Variants in NDUFAF7 observed in about 807,000 individuals in gnomAD.
NDUFAF7 encodes the protein protein arginine methyltransferase NDUFAF7, mitochondrial.
A neutral mutation model predicts 47.2 loss-of-function variants in NDUFAF7; 48 were observed. That is an observed-to-expected ratio of 1.02 (90% CI 0.81 to 1.29). The LOEUF is 1.29. Among genes scored for constraint, NDUFAF7 ranks in the 50% most tolerant of loss-of-function variants. The pLI is 0.00. For synonymous variants in NDUFAF7, 217 were observed against 190.0 expected (o/e 1.14, Z -1.17); for missense variants, 635 against 537.6 (o/e 1.18, Z -1.79).
downstream of NDUFAF7, chr2:37,253,364 A>C: frequency 1.3e-6 from 2 of 1,588,868 alleles, no homozygotes; most frequent in Middle Eastern, 1.7e-4. Context: ...GGAGAAAATG[A>C]AATTGTAATG....
intron 8 of NDUFAF7, among the ~76,000 whole-genome samples, 178 bp downstream of exon 8, chr2:37,246,373 A>G (rs187705045): frequency 6.9e-4 from 105 of 152,302 alleles, no homozygotes; most frequent in African/African-American, 2.4e-3. Context: ...CACTGAGTCT[A>G]CTGTCCAGCC....
chr2:37,258,307 C>T (rs770246858), downstream of NDUFAF7, among the ~76,000 whole-genome samples: 1 of 152,094 alleles, frequency 6.6e-6, no homozygotes, highest in Non-Finnish European at 1.5e-5. Flanking sequence ...GGCTGCTTCT[C>T]GATTTCAGTG....
At chr2:37,254,742 G>A (rs946259386), downstream of NDUFAF7, among the ~76,000 whole-genome samples, 1 of 152,076 alleles carries the variant, frequency 6.6e-6, no homozygotes, top group Non-Finnish European at 1.5e-5. Context: ...TCCCCACCCC[G>A]CTCCAATGCT....
downstream of NDUFAF7, chr2:37,250,633 A>G (rs1015239947): frequency 3.3e-5 from 5 of 152,338 alleles, no homozygotes; most frequent in South Asian, 2.1e-4. Flanking sequence ...AAGGTCTGGT[A>G]AAATAACACA....
At chr2:37,253,363 G>T, downstream of NDUFAF7, 1 of 1,588,330 alleles carries the variant, frequency 6.3e-7, no homozygotes, top group Non-Finnish European at 8.6e-7. Flanking sequence ...AGGAGAAAAT[G>T]AAATTGTAAT....
At chr2:37,266,421 G>A in the NDUFAF7 span, among the ~76,000 whole-genome samples, 1 of 151,712 alleles carries the variant, frequency 6.6e-6, no homozygotes, top group East Asian at 1.9e-4. Flanking sequence ...TGCCTCCCAG[G>A]TACAAGTGAT....
In NDUFAF7 at chr2:37,231,859, G is replaced by C. The variant is rs944058999; in HGVS notation, c.55+99G>C. 4.4e-6 allele frequency: 7 copies of C among 1,587,448 alleles called. No individual in the cohort carries two copies. The Admixed American group carries it at 5.4e-5, about 12-fold the overall frequency. ...GGGTACCGGGGGATCAAGGGCTCGG[G>C]GGCTCACTTCCACCTTGAAGGTACC... On this transcript the variant is annotated intron_variant, in intron 1 of 9. Transcript: ENST00000002125.
downstream of NDUFAF7, chr2:37,256,674 T>C: frequency 7.2e-7 from 1 of 1,393,358 alleles, no homozygotes; most frequent in South Asian, 1.4e-5. Context: ...TCACCAGAAA[T>C]TTCTCTCCAT....
rs770110937 is a variant in NDUFAF7, at chr2:37,243,893, G to A, written c.712G>A (p.Val238Ile). 1.2e-6 allele frequency: 2 copies of A among 1,614,042 alleles called. No individual in the cohort carries two copies. The highest frequency in any genetic ancestry group is 1.7e-5 in the Admixed American group (1 of 59,998). The change falls in exon 7 of 10, where the codon GTT (valine) becomes ATT (isoleucine). Residue 238 changes from valine (V) to isoleucine (I), a missense_variant. Val to Ile is a conservative substitution (Grantham distance 29). Coordinates refer to ENST00000002125, the MANE Select transcript of NDUFAF7 (RefSeq NM_144736.5). The stretch of plus-strand genomic sequence containing the variant: ...ACCACAGGGATGGCGAGAAGTATTT[G>A]TTGACATTGATCCACAGGTTTCTGA... ...KTPQGWREVF[V>I]DIDPQVSDKL...
chr2:37,260,457 G>A, the NDUFAF7 span: 2 of 1,345,638 alleles, frequency 1.5e-6, no homozygotes, highest in Non-Finnish European at 2.1e-6. Flanking sequence ...GATGTGCTAT[G>A]ATTGTCTGAA....
At chr2:37,260,443 T>C in the NDUFAF7 span, 1 of 1,440,658 alleles carries the variant, frequency 6.9e-7, no homozygotes, top group African/African-American at 1.4e-5. Context: ...TTTACTAATA[T>C]CTAGATGTGC....
Position 37,241,213 on chromosome 2 carries a change from A to G in NDUFAF7, c.409-365A>G, listed in dbSNP as rs1666299137. ...GAGTTCTCATCATCTCAAAGATGAGATTACTTCCTAGACCTAGAGATGTTA... is the reference window on the plus strand; with the variant it reads ...GAGTTCTCATCATCTCAAAGATGAGGTTACTTCCTAGACCTAGAGATGTTA... On this transcript the variant is annotated intron_variant, in intron 4 of 9. Transcript: ENST00000002125. 2.0e-5 allele frequency among the ~76,000 whole-genome samples: 3 copies of G among 152,104 alleles called. 1 individual carries two copies. In the South Asian group the frequency reaches 6.2e-4, roughly 31 times the overall value.
At chr2:37,237,262 G>A (rs1253761080) in intron 3 of NDUFAF7, among the ~76,000 whole-genome samples, 2 of 152,226 alleles carry the variant, frequency 1.3e-5, no homozygotes, top group Non-Finnish European at 2.9e-5. Flanking sequence ...GAGCCACCAC[G>A]CCCAGCCAAG....
chr2:37,262,902 C>CCCG, the NDUFAF7 span, among the ~76,000 whole-genome samples: 39 of 151,574 alleles, frequency 2.6e-4, no homozygotes, highest in African/African-American at 6.1e-4. Context: ...CCTTCCCCCC[C>CCCG]CCGTATTTGT....
intron 2 of NDUFAF7, among the ~76,000 whole-genome samples, chr2:37,234,941 G>C (rs1255883815): frequency 6.6e-6 from 1 of 152,194 alleles, no homozygotes; most frequent in Non-Finnish European, 1.5e-5. Flanking sequence ...TAGAATAGGA[G>C]CTTGAGAAGC....
chr2:37,253,553 C>T (rs1292878693), downstream of NDUFAF7: 6 of 476,690 alleles, frequency 1.3e-5, no homozygotes, highest in African/African-American at 2.0e-5. Flanking sequence ...AACTCAGAGT[C>T]TCCAATGAAT....
downstream of NDUFAF7, among the ~76,000 whole-genome samples, chr2:37,256,019 A>T (rs957144136): frequency 9.2e-5 from 14 of 152,214 alleles, no homozygotes; most frequent in African/African-American, 1.2e-4. Context: ...CAATAAAAAT[A>T]AAAAAAGATA....
chr2:37,264,349 G>A, the NDUFAF7 span, among the ~76,000 whole-genome samples: 1 of 152,138 alleles, frequency 6.6e-6, no homozygotes, highest in African/African-American at 2.4e-5. Context: ...CCAGTACTAT[G>A]TGGGTATTCT....
At chr2:37,253,020 C>T, downstream of NDUFAF7, 1 of 631,512 alleles carries the variant, frequency 1.6e-6, no homozygotes, top group Non-Finnish European at 2.4e-6. Flanking sequence ...CCGCCTGTAC[C>T]TACTCATTAT....
Sources: allele counts gnomAD v4.1 joint callset (sites outside exome capture counted in the v4.1 genomes callset), GRCh38; gene constraint gnomAD v4.1.1; transcripts MANE v1.5; gene names NCBI Gene and HGNC (gene_info 2026-07-23, HGNC 2026-07-21).